The following CADM2 variants were observed in gnomAD, a reference collection of about 807,000 sequenced individuals.
CADM2 encodes the protein cell adhesion molecule 2, also known as immunoglobulin superfamily member 4D.
A neutral mutation model predicts 49.8 loss-of-function variants in CADM2; 12 were observed. The observed-to-expected ratio is 0.24, with a 90% confidence interval of 0.15 to 0.39. The LOEUF (loss-of-function observed/expected upper bound fraction) is 0.39, where lower values mean the gene tolerates loss of function less well. CADM2 is among the 10% of genes least tolerant of loss of function. The pLI is 1.00. For missense variants in CADM2, 378 were observed against 492.3 expected (o/e 0.77, Z 2.20); for synonymous variants, 214 against 175.4 (o/e 1.22, Z -1.74).
rs112243165 is a variant in CADM2 at position 85,606,454 on chromosome 3, G to A, written c.62-120068G>A. On this transcript the variant is annotated intron_variant, in intron 1 of 9. Coordinates refer to ENST00000383699, the MANE Select transcript of CADM2 (RefSeq NM_001167675.2). The stretch of plus-strand genomic sequence containing the variant: ...TCAGAGTTTTAATATATCTCACTTT[G>A]GAAGTAATATACTATAAAAACATAT... Among the ~76,000 whole-genome samples, 595 of 152,066 alleles carry A rather than the reference G, an allele frequency of 3.9e-3. 3 individuals are homozygous for A. Among genetic ancestry groups the A allele is most frequent in the African/African-American group, 0.013 (533 of 41,510 alleles).
At chr3:85,681,740 T>C (rs1432533687) in intron 1 of CADM2, among the ~76,000 whole-genome samples, 2 of 152,162 alleles carry the variant, frequency 1.3e-5, no homozygotes, top group African/African-American at 2.4e-5. Flanking sequence ...CCCATTTAAC[T>C]TCATAGTAGC....
At chr3:85,689,371 A>G (rs148952259) in intron 1 of CADM2, among the ~76,000 whole-genome samples, 1 of 152,296 alleles carries the variant, frequency 6.6e-6, no homozygotes, top group African/African-American at 2.4e-5. Flanking sequence ...AAAAATAATG[A>G]AAAGTTGGGA....
chr3:85,604,731 A>G (rs2063502385), intron 1 of CADM2, among the ~76,000 whole-genome samples: 1 of 151,970 alleles, frequency 6.6e-6, no homozygotes, highest in South Asian at 2.1e-4. Flanking sequence ...CAATTCTTAT[A>G]TATCCTCCTA....
intron 8 of CADM2, among the ~76,000 whole-genome samples, chr3:86,055,451 C>CTTTTTTTTTT (rs57606781): frequency 1.8e-4 from 16 of 87,500 alleles, no homozygotes; most frequent in East Asian, 4.1e-4. Flanking sequence ...GGCATCCCCT[C>CTTTTTTTTTT]TTTTTTTTTT....
At chr3:85,535,038 T>C (rs996345362) in intron 1 of CADM2, among the ~76,000 whole-genome samples, 1 of 151,982 alleles carries the variant, frequency 6.6e-6, no homozygotes, top group East Asian at 1.9e-4. Context: ...TCATGTCTGT[T>C]TCATAATATG....
At chr3:85,997,047 TA>T (rs1395172347) in intron 8 of CADM2, among the ~76,000 whole-genome samples, 1 of 152,234 alleles carries the variant, frequency 6.6e-6, no homozygotes, top group Non-Finnish European at 1.5e-5. Context: ...TTGTCTTCCA[TA>T]AACTACTTTG....
At chr3:85,211,300 G>A (rs978116747) in intron 1 of CADM2, among the ~76,000 whole-genome samples, 1 of 151,448 alleles carries the variant, frequency 6.6e-6, no homozygotes, top group East Asian at 1.9e-4. Flanking sequence ...ATTTATTACT[G>A]CTCTGATCTA....
chr3:85,321,110 ATATATATTTTTTTTTTTTTTTTTT>A (rs2044591421), intron 1 of CADM2, among the ~76,000 whole-genome samples: 1 of 33,726 alleles, frequency 3.0e-5, no homozygotes, highest in Non-Finnish European at 6.2e-5. Context: ...ATATATATAT[ATATATATTTTTTTTTTTTTTTTTT>A]TTTTTTTTTT....
At chr3:85,246,690 C>G (rs1347425747) in intron 1 of CADM2, among the ~76,000 whole-genome samples, 1 of 152,024 alleles carries the variant, frequency 6.6e-6, no homozygotes, top group Non-Finnish European at 1.5e-5. Flanking sequence ...ATTTCAAAAA[C>G]ACAGTTATAG....
intron 1 of CADM2, among the ~76,000 whole-genome samples, chr3:84,972,197 A>C (rs1461757812): frequency 1.3e-5 from 2 of 152,166 alleles, no homozygotes; most frequent in African/African-American, 2.4e-5. Flanking sequence ...AGTGGTTGGA[A>C]CCACATTCAT....
chr3:85,366,070 C>G (rs1256866796), intron 1 of CADM2, among the ~76,000 whole-genome samples: 1 of 152,160 alleles, frequency 6.6e-6, no homozygotes, highest in Non-Finnish European at 1.5e-5. Flanking sequence ...CAAGTAAATA[C>G]TTAATGATTT....
At chr3:85,351,903 C>T (rs2031387701) in intron 1 of CADM2, among the ~76,000 whole-genome samples, 1 of 152,064 alleles carries the variant, frequency 6.6e-6, no homozygotes, top group South Asian at 2.1e-4. Context: ...GGAGTACTTA[C>T]ACAGTGCAGA....
At chr3:86,044,516 A>G (rs1371790210) in intron 8 of CADM2, among the ~76,000 whole-genome samples, 11 of 152,336 alleles carry the variant, frequency 7.2e-5, no homozygotes, top group African/African-American at 2.4e-4. Context: ...ATGAGATACC[A>G]TCTCACACCA....
chr3:85,328,269 C>A (rs964871911), intron 1 of CADM2, among the ~76,000 whole-genome samples: 1 of 152,084 alleles, frequency 6.6e-6, no homozygotes, highest in South Asian at 2.1e-4. Flanking sequence ...ACCTTAAGAG[C>A]TTTTAAACAA....
In CADM2 at chr3:86,042,848, G is replaced by A. The variant is rs538973292; in HGVS notation, c.971-22757G>A. ...ATCCTCAATAAAATACTGGCAAACCGAATCCAGCAGCACATCAAAAAGCTT... is the reference window on the plus strand; with the variant it reads ...ATCCTCAATAAAATACTGGCAAACCAAATCCAGCAGCACATCAAAAAGCTT... On this transcript the variant is annotated intron_variant, in intron 8 of 9. Transcript: ENST00000383699. 4.7e-3 allele frequency among the ~76,000 whole-genome samples: 714 copies of A among 152,182 alleles called. 10 individuals carry two copies. In the South Asian group the frequency reaches 0.051, roughly 11 times the overall value.
intron 1 of CADM2, among the ~76,000 whole-genome samples, chr3:85,111,727 A>G (rs577636017): frequency 3.3e-5 from 5 of 152,000 alleles, no homozygotes; most frequent in South Asian, 2.1e-4. Flanking sequence ...ACTTAATTGT[A>G]TATATTTTTA....
At chr3:85,152,310 G>A (rs2039947980) in intron 1 of CADM2, among the ~76,000 whole-genome samples, 1 of 152,070 alleles carries the variant, frequency 6.6e-6, no homozygotes, top group Admixed American at 6.6e-5. Flanking sequence ...TGAGTGTACT[G>A]GGCCAGTAGG....
chr3:85,494,639 A>G (rs564887223), intron 1 of CADM2, among the ~76,000 whole-genome samples: 4 of 152,332 alleles, frequency 2.6e-5, no homozygotes, highest in African/African-American at 7.2e-5. Context: ...TACATAGACA[A>G]GAAAATGAGG....
chr3:85,660,397 C>T (rs1439834802), intron 1 of CADM2, among the ~76,000 whole-genome samples: 1 of 150,940 alleles, frequency 6.6e-6, no homozygotes, highest in Non-Finnish European at 1.5e-5. Context: ...TAAGAACTTG[C>T]CATGTCCAGA....
Sources: allele counts gnomAD v4.1 joint callset (sites outside exome capture counted in the v4.1 genomes callset), GRCh38; gene constraint gnomAD v4.1.1; transcripts MANE v1.5; gene names NCBI Gene and HGNC (gene_info 2026-07-23, HGNC 2026-07-21).